LARP1B: variants seen among roughly 807,000 people sequenced by gnomAD.
The protein encoded by LARP1B is La ribonucleoprotein 1B, also known as la-related protein 1B.
LARP1B carries 76 observed loss-of-function variants against 114.2 expected under a neutral mutation model. The ratio of observed to expected loss-of-function variants is 0.67; its 90% confidence interval spans 0.55 to 0.81. LARP1B has a LOEUF of 0.81. Ranked by LOEUF, LARP1B falls within the 30% of genes least tolerant of loss-of-function variation. The pLI is 0.00. For synonymous variants in LARP1B, 345 were observed against 348.0 expected (o/e 0.99, Z 0.10); for missense variants, 1,014 against 1,075.8 (o/e 0.94, Z 0.80).
At chr4:128,155,028 C>T (rs1373742378) in intron 11 of LARP1B, among the ~76,000 whole-genome samples, 1 of 152,172 alleles carries the variant, frequency 6.6e-6, no homozygotes, top group Admixed American at 6.5e-5. Flanking sequence ...CCTGCCTTAG[C>T]CTTGCAAAGT....
intron 15 of LARP1B, among the ~76,000 whole-genome samples, chr4:128,188,037 ATTAAACCTC>A (rs1220277562): frequency 6.6e-6 from 1 of 151,790 alleles, no homozygotes; most frequent in African/African-American, 2.4e-5. Context: ...CCATGAGCCA[ATTAAACCTC>A]TTTCCTCTAT....
rs771418969 is a variant in LARP1B at position 128,118,232 on chromosome 4, A to ATT, written c.1161+3507_1161+3508dup. The stretch of plus-strand genomic sequence containing the variant: ...TGAGCCACCTTGCCCAGTCAGGTCT[A>ATT]TTTTTTTTTTTTTTTTTTGAGATGG... On this transcript the variant is annotated intron_variant, in intron 10 of 19. Transcript: ENST00000326639. Among the ~76,000 whole-genome samples, 302 of 93,478 alleles carry ATT rather than the reference A, an allele frequency of 3.2e-3. 6 individuals carry two copies. Among genetic ancestry groups the ATT allele is most frequent in the African/African-American group, 9.3e-3 (250 of 26,928 alleles). The allele number at this position is 93,478 out of a possible 152,430, so 61.3% of individuals were successfully genotyped here.
At chr4:128,076,482 T>A (rs992884934) in intron 3 of LARP1B, among the ~76,000 whole-genome samples, 2 of 152,210 alleles carry the variant, frequency 1.3e-5, no homozygotes, top group South Asian at 2.1e-4. Flanking sequence ...GTAGTATGGA[T>A]GTAACACAGT....
At chr4:128,118,175 C>T (rs1418931480) in intron 10 of LARP1B, among the ~76,000 whole-genome samples, 7 of 147,536 alleles carry the variant, frequency 4.7e-5, no homozygotes, top group Non-Finnish European at 1.5e-5. Flanking sequence ...ATCCACCCAC[C>T]TCGATCTTTC....
At chr4:128,174,586 A>C (rs184585434) in intron 12 of LARP1B, among the ~76,000 whole-genome samples, 3 of 152,230 alleles carry the variant, frequency 2.0e-5, no homozygotes, top group Admixed American at 2.0e-4. Flanking sequence ...AATAAAACTT[A>C]GCTTTTGATG....
At chr4:128,149,797 A>C (rs1296376471) in intron 11 of LARP1B, among the ~76,000 whole-genome samples, 1 of 152,222 alleles carries the variant, frequency 6.6e-6, no homozygotes, top group Non-Finnish European at 1.5e-5. Context: ...TTTTTAAGGT[A>C]TTAAAGAAAA....
intron 5 of LARP1B, among the ~76,000 whole-genome samples, chr4:128,087,526 A>G (rs1260098875): frequency 6.6e-6 from 1 of 152,198 alleles, no homozygotes; most frequent in Non-Finnish European, 1.5e-5. Context: ...GCCACCATCT[A>G]GATTAATAAT....
At chr4:128,192,345 A>G (rs947081355) in intron 15 of LARP1B, among the ~76,000 whole-genome samples, 4 of 152,170 alleles carry the variant, frequency 2.6e-5, no homozygotes, top group Admixed American at 1.3e-4. Context: ...TGCCCATATA[A>G]TTCAGCTGTT....
chr4:128,100,972 C>T (rs1360949597), intron 8 of LARP1B, among the ~76,000 whole-genome samples: 3 of 151,000 alleles, frequency 2.0e-5, no homozygotes, highest in Admixed American at 6.6e-5. Context: ...CGCCTGCCAC[C>T]ATGCCTGGCT....
At chr4:128,190,085 C>T (rs1475779733) in intron 15 of LARP1B, among the ~76,000 whole-genome samples, 3 of 152,176 alleles carry the variant, frequency 2.0e-5, no homozygotes, top group Non-Finnish European at 4.4e-5. Context: ...TAAAGAACTC[C>T]CTTTAGCATT....
At chr4:128,073,603 T>TG (rs1766561654) in intron 1 of LARP1B, among the ~76,000 whole-genome samples, 1 of 102,992 alleles carries the variant, frequency 9.7e-6, no homozygotes, top group Non-Finnish European at 2.0e-5. Flanking sequence ...TTTTTTTTTT[T>TG]TTTTTTGGAC....
chr4:128,164,012 A>G (rs1739631089), intron 12 of LARP1B, among the ~76,000 whole-genome samples: 2 of 152,098 alleles, frequency 1.3e-5, no homozygotes, highest in South Asian at 2.1e-4. Flanking sequence ...GGAGAAAAAT[A>G]TATTACGTAT....
intron 12 of LARP1B, among the ~76,000 whole-genome samples, chr4:128,169,676 G>A (rs912609977): frequency 1.4e-4 from 21 of 151,020 alleles, no homozygotes; most frequent in East Asian, 3.9e-4. Flanking sequence ...TCGCCCTGTC[G>A]CCCAGGCTGG....
intron 9 of LARP1B, among the ~76,000 whole-genome samples, chr4:128,112,911 A>G (rs1784603875): frequency 6.6e-6 from 1 of 152,194 alleles, no homozygotes; most frequent in Admixed American, 6.5e-5. Flanking sequence ...TATTAAAGCT[A>G]TCTGATTTTA....
In LARP1B at chr4:128,158,293, A is replaced by G. The variant is rs528971309; in HGVS notation, c.1525-3901A>G. Among the ~76,000 whole-genome samples, 4 of 152,328 alleles carry G rather than the reference A, an allele frequency of 2.6e-5. No individual in the cohort carries two copies. The East Asian group carries it at 7.7e-4, about 29-fold the overall frequency. ...CAAAAAATCAGTAAGGTTATACAAA[A>G]TGTGAATGCAGTTTAGAAAAGTGAA... On this transcript the variant is annotated intron_variant, in intron 11 of 19. Transcript: ENST00000326639.
intron 14 of LARP1B, among the ~76,000 whole-genome samples, chr4:128,179,014 C>G (rs1747414068): frequency 6.6e-6 from 1 of 152,112 alleles, no homozygotes; most frequent in Non-Finnish European, 1.5e-5. Context: ...ATTGCTTGAG[C>G]CTGTAGGGGT....
Position 128,113,320 on chromosome 4 carries a change from T to C in LARP1B, c.989-1250T>C, listed in dbSNP as rs566239545. On this transcript the variant is annotated intron_variant, in intron 9 of 19. Transcript: ENST00000326639. ...AAAAAATATTTATAAAAGAAGCCATTTGATTTTTTTTCTTTTTCTTTTCTT... is the reference window on the plus strand; with the variant it reads ...AAAAAATATTTATAAAAGAAGCCATCTGATTTTTTTTCTTTTTCTTTTCTT... Among the ~76,000 whole-genome samples the C allele has an allele frequency of 6.6e-5, 10 of 151,960 alleles. No individual in the cohort carries two copies. In the South Asian group the frequency reaches 1.9e-3, roughly 28 times the overall value.
intron 1 of LARP1B, among the ~76,000 whole-genome samples, chr4:128,073,439 A>AG: frequency 6.8e-6 from 1 of 147,332 alleles, no homozygotes; most frequent in African/African-American, 2.5e-5. Context: ...AAAAAAAAAA[A>AG]AAAAAAAAGA....
In LARP1B at chr4:128,079,921, G is replaced by A. The variant is rs546229339; in HGVS notation, c.217+1959G>A. 2.8e-4 allele frequency among the ~76,000 whole-genome samples: 43 copies of A among 151,668 alleles called. No individual in the cohort carries two copies. The South Asian group carries it at 8.7e-3, about 31-fold the overall frequency. Reference sequence around the variant, plus strand: ...TGTTCCCTGCTTCCTACATACGTAAGTAGTGTTCTTGACTGTCTAGAATCC... The same window carrying A: ...TGTTCCCTGCTTCCTACATACGTAAATAGTGTTCTTGACTGTCTAGAATCC... On this transcript the variant is annotated intron_variant, in intron 4 of 19. Transcript: ENST00000326639.
Sources: gnomAD v4.1 joint callset for allele counts (sites outside exome capture counted in the v4.1 genomes callset) on GRCh38, gnomAD v4.1.1 for gene constraint, MANE v1.5 for transcripts, NCBI Gene and HGNC (gene_info 2026-07-23, HGNC 2026-07-21) for gene names.